Variants in OSBPL5 observed in about 807,000 individuals in gnomAD.
OSBPL5 encodes oxysterol binding protein like 5, also known as oxysterol-binding protein-related protein 5.
OSBPL5 carries 71 observed loss-of-function variants against 111.2 expected under a neutral mutation model. The ratio of observed to expected loss-of-function variants is 0.64; its 90% CI spans 0.53 to 0.78. The LOEUF is 0.78. Ranked by LOEUF, OSBPL5 falls within the 30% of genes least tolerant of loss-of-function variation. The pLI, the probability that OSBPL5 is intolerant of heterozygous loss-of-function variation, is 0.00. For missense variants in OSBPL5, 1,210 were observed against 1,189.3 expected, an observed-to-expected ratio of 1.02 and a Z score of -0.26; for synonymous variants, 549 against 513.9, an observed-to-expected ratio of 1.07 and a Z score of -0.93.
intron 14 of OSBPL5, among the ~76,000 whole-genome samples, chr11:3,095,617 C>A (rs999410360): frequency 6.6e-6 from 1 of 152,170 alleles, no homozygotes; most frequent in African/African-American, 2.4e-5. Context: ...TCACCAAATA[C>A]GTTCCTATCA....
intron 14 of OSBPL5, 128 bp from the exon 15 acceptor site, chr11:3,094,462 G>C (rs2134389414): frequency 1.5e-6 from 1 of 679,088 alleles, no homozygotes; most frequent in East Asian, 2.7e-5. Flanking sequence ...TGGGAGGCCT[G>C]TGTCAGTCCC....
rs2134384258 is a variant in OSBPL5, at chr11:3,092,639, C to G, written c.2133-81G>C. On this transcript the variant is annotated intron_variant, in intron 18 of 21. Transcript: ENST00000263650. This position sits in a 1 kb window ranked among gnomAD's most constrained non-coding sequence, Gnocchi z 5.4. The stretch of plus-strand genomic sequence containing the variant: ...CTGTCCTGGCCCAGTCTTCAGCCCC[C>G]CAACAGTGGCCAGAGACCTCCAGGA... 1.4e-6 allele frequency: 2 copies of G among 1,456,044 alleles called. No homozygotes were observed. Among genetic ancestry groups the G allele is most frequent in the South Asian group, 1.4e-5 (1 of 72,580 alleles). 90.2% of individuals were successfully genotyped at this position (1,456,044 alleles called of 1,614,324 possible).
At position 3,121,817 on chromosome 11, in the gene OSBPL5, G is replaced by C. The variant is rs956984059; in HGVS notation, c.402+180C>G. On this transcript the variant is annotated intron_variant, in intron 5 of 21. Transcript: ENST00000263650. The surrounding 1 kb of genome is among the most constrained non-coding windows in gnomAD (Gnocchi z 4.3). The stretch of plus-strand genomic sequence containing the variant: ...CCTACCACTGGTGTCCTTATAAAAA[G>C]GGGGAGAGACAGGTGGATAAGGAAA... The C allele has an allele frequency of 1.1e-5, 7 of 613,534 alleles. No individual in the cohort carries two copies. The highest frequency in any genetic ancestry group is 7.9e-5 in the South Asian group (4 of 50,932). 38.0% of individuals were successfully genotyped at this position (613,534 alleles called of 1,614,324 possible). A position where few individuals can be genotyped will look rare whatever the true frequency, so the allele number is the denominator to read the frequency against.
chr11:3,160,674 CCCCCCCCCA>C (rs1386269751), intron 1 of OSBPL5, among the ~76,000 whole-genome samples: 25 of 6,620 alleles, frequency 3.8e-3, no homozygotes, highest in African/African-American at 0.033. Flanking sequence ...GACAACCCTC[CCCCCCCCCA>C]CCCCGCCCCC....
chr11:3,119,475 G>A (rs185520059), intron 7 of OSBPL5, 72 bp downstream of exon 7: 5 of 1,447,776 alleles, frequency 3.5e-6, no homozygotes, highest in Non-Finnish European at 4.6e-6. Flanking sequence ...CCTGTACCTG[G>A]GCTACAACCT....
intron 1 of OSBPL5, among the ~76,000 whole-genome samples, chr11:3,131,489 CATCT>C (rs1371063688): frequency 4.6e-5 from 7 of 150,630 alleles, no homozygotes; most frequent in South Asian, 2.1e-4. Context: ...TCCATCCATC[CATCT>C]ACCATCCTCC....
Position 3,154,455 on chromosome 11 carries a change from C to T in OSBPL5, c.-22+10761G>A, listed in dbSNP as rs10833365. On this transcript the variant is annotated intron_variant, in intron 1 of 21. Coordinates refer to ENST00000263650, the MANE Select transcript of OSBPL5 (RefSeq NM_020896.4). This position sits in a 1 kb window ranked among gnomAD's most constrained non-coding sequence, Gnocchi z 4.9. ...GACGCTTCGTTCACCAAGCGGGGGG[C>T]CTCTACAGCTCGCCCAGGTTCCAGC... Among the ~76,000 whole-genome samples, 121,123 of 152,160 alleles carry T rather than the reference C, an allele frequency of 0.8. 48,837 individuals are homozygous for T. Among genetic ancestry groups the T allele is most frequent in the African/African-American group, 0.89 (36,920 of 41,532 alleles).
Position 3,100,266 on chromosome 11 carries a change from CAA to C in OSBPL5, c.1523-12_1523-11del. On this transcript the variant is annotated splice_polypyrimidine_tract_variant and intron_variant, in intron 13 of 21. Coordinates refer to ENST00000263650, the MANE Select transcript of OSBPL5 (RefSeq NM_020896.4). ...GCCGACAGCGAGTTCCCTGCAGAGACAAGAGACAGCAGGACCAGTGAGTGCGG... is the reference window on the plus strand; with the variant it reads ...GCCGACAGCGAGTTCCCTGCAGAGACGAGACAGCAGGACCAGTGAGTGCGG... 6.2e-7 allele frequency: 1 copy of C among 1,613,514 alleles called. No individual in the cohort carries two copies. Among genetic ancestry groups the C allele is most frequent in the South Asian group, 1.1e-5 (1 of 91,034 alleles).
rs1261178904 is a variant in OSBPL5, at chr11:3,092,497, T to G, written c.2194A>C (p.Thr732Pro). Residue 732 changes from threonine (T) to proline (P), a missense_variant, in exon 19 of 22, where the codon ACC becomes CCC. Transcript: ENST00000263650. This position sits in a 1 kb window ranked among gnomAD's most constrained non-coding sequence, Gnocchi z 5.4. Reference protein sequence around the residue: ...AQFEQDGILRTLQQEAVARQT... With the variant: ...AQFEQDGILRPLQQEAVARQT... ...CGGGCCACGGCCTCCTGCTGCAAGGTCCGCAGGATCCCGTCTTGCTCAAAC... is the reference window on the plus strand; with the variant it reads ...CGGGCCACGGCCTCCTGCTGCAAGGGCCGCAGGATCCCGTCTTGCTCAAAC... The G allele has an allele frequency of 6.3e-7, 1 of 1,578,268 alleles. No individual in the cohort carries two copies. Among genetic ancestry groups the G allele is most frequent in the East Asian group, 2.3e-5 (1 of 42,988 alleles).
At chr11:3,148,983 G>A (rs938405339) in intron 1 of OSBPL5, among the ~76,000 whole-genome samples, 14 of 152,208 alleles carry the variant, frequency 9.2e-5, no homozygotes, top group Admixed American at 5.2e-4. Flanking sequence ...GGTCTCCTCC[G>A]TGGGCTGCAG....
chr11:3,122,811 GC>G, intron 3 of OSBPL5, among the ~76,000 whole-genome samples: 1 of 152,202 alleles, frequency 6.6e-6, no homozygotes, highest in East Asian at 1.9e-4. Flanking sequence ...CACCTGGGAG[GC>G]CGCTGAGGAA....
At chr11:3,144,022 C>T (rs1262688734) in intron 1 of OSBPL5, among the ~76,000 whole-genome samples, 3 of 152,086 alleles carry the variant, frequency 2.0e-5, no homozygotes, top group African/African-American at 2.4e-5. Flanking sequence ...TCAGGCCTGG[C>T]GGGGGCCAGC....
chr11:3,125,822 A>AAT (rs1858601601), intron 3 of OSBPL5, among the ~76,000 whole-genome samples: 1 of 140,018 alleles, frequency 7.1e-6, no homozygotes, highest in Non-Finnish European at 1.6e-5. Context: ...AAAAAAAAAA[A>AAT]ATACAAAAAA....
At chr11:3,117,969 C>T (rs1289850280) in intron 7 of OSBPL5, among the ~76,000 whole-genome samples, 1 of 152,174 alleles carries the variant, frequency 6.6e-6, no homozygotes, top group Non-Finnish European at 1.5e-5. Flanking sequence ...TGTTGTTTTT[C>T]TGCCTTCCTC....
In OSBPL5 at chr11:3,126,727, G is replaced by T; in HGVS notation, c.137-172C>A. ...ACACTGCCTGAGAGGTGTAATAAAC[G>T]CCAGCAAGCGTCACTGTGGGAGGAG... On this transcript the variant is annotated intron_variant, in intron 2 of 21. Coordinates refer to ENST00000263650, the MANE Select transcript of OSBPL5 (RefSeq NM_020896.4). The surrounding 1 kb of genome is among the most constrained non-coding windows in gnomAD (Gnocchi z 6.5). 2 of 514,588 alleles carry T rather than the reference G, an allele frequency of 3.9e-6. No homozygotes were observed. Among genetic ancestry groups the T allele is most frequent in the Non-Finnish European group, 6.9e-6 (2 of 288,008 alleles). 31.9% of individuals were successfully genotyped at this position (514,588 alleles called of 1,614,324 possible). A position where few individuals can be genotyped will look rare whatever the true frequency, so the allele number is the denominator to read the frequency against.
intron 2 of OSBPL5, among the ~76,000 whole-genome samples, chr11:3,128,097 A>G (rs1048239387): frequency 6.6e-6 from 1 of 152,208 alleles, no homozygotes; most frequent in African/African-American, 2.4e-5. Context: ...TGCCTGCCAT[A>G]GCACCTTCAG....
Position 3,106,977 on chromosome 11 carries a change from G to A in OSBPL5, c.1059+286C>T, listed in dbSNP as rs1464116797. Among the ~76,000 whole-genome samples, 2 of 152,180 alleles carry A rather than the reference G, an allele frequency of 1.3e-5. No homozygotes were observed. Among genetic ancestry groups the A allele is most frequent in the Admixed American group, 1.3e-4 (2 of 15,282 alleles). On this transcript the variant is annotated intron_variant, in intron 9 of 21. Coordinates refer to ENST00000263650, the MANE Select transcript of OSBPL5 (RefSeq NM_020896.4). This position sits in a 1 kb window ranked among gnomAD's most constrained non-coding sequence, Gnocchi z 8.4. ...TTGAGCCTCCTGTTCTCCCATCAGC[G>A]CATTCCAGCCCAAGGAGGGAGTTGC...
chr11:3,104,376 A>G lies in OSBPL5; in HGVS notation c.1061T>C (p.Leu354Pro). 1 of 1,608,284 alleles carries G rather than the reference A, an allele frequency of 6.2e-7. No homozygotes were observed. The highest frequency in any genetic ancestry group is 1.7e-4 in the Middle Eastern group (1 of 6,050). Residue 354 changes from leucine to proline, a missense_variant and splice_region_variant, in exon 10 of 22, where the codon CTG (leucine) becomes CCG (proline). By Grantham distance (98) the Leu-to-Pro change is moderately conservative. Coordinates refer to ENST00000263650, the MANE Select transcript of OSBPL5 (RefSeq NM_020896.4). This position sits in a 1 kb window ranked among gnomAD's most constrained non-coding sequence, Gnocchi z 5.0. The part of the protein sequence containing the change: ...VEQVQEELGE[L>P]GEASQVETVS... ...TGTCTCCACCTGGGACGCCTCGCCC[A>G]GCTGCAGCAGACAGGCTGCAGTCAG...
At chr11:3,123,068 A>C (rs1271904436) in intron 3 of OSBPL5, among the ~76,000 whole-genome samples, 1 of 152,176 alleles carries the variant, frequency 6.6e-6, no homozygotes, top group African/African-American at 2.4e-5. Flanking sequence ...TGCCCACCCC[A>C]TCCCCTGGGA....
Sources: gnomAD v4.1 joint callset for allele counts (sites outside exome capture counted in the v4.1 genomes callset) on GRCh38, gnomAD v4.1.1 for gene constraint, Gnocchi (gnomAD v3.1) non-coding constraint, MANE v1.5 for transcripts, NCBI Gene and HGNC (gene_info 2026-07-23, HGNC 2026-07-21) for gene names.